Variants in CDYL observed in about 807,000 individuals in gnomAD.
CDYL encodes chromodomain Y-like protein.
Under a neutral mutation model 47.3 loss-of-function variants are expected in CDYL, and 8 were observed. The ratio of observed to expected loss-of-function variants is 0.17; its 90% CI spans 0.10 to 0.31. The LOEUF (loss-of-function observed/expected upper bound fraction) is 0.31. CDYL is among the 10% of genes least tolerant of loss of function. The pLI, the probability that CDYL is intolerant of heterozygous loss-of-function variation, is 1.00. For synonymous variants in CDYL, 266 were observed against 265.0 expected (o/e 1.00, Z -0.04); for missense variants, 471 against 701.4 (o/e 0.67, Z 3.71).
At chr6:4,847,567 T>C (rs896405657) in intron 1 of CDYL, among the ~76,000 whole-genome samples, 1 of 152,210 alleles carries the variant, frequency 6.6e-6, no homozygotes, top group African/African-American at 2.4e-5. Flanking sequence ...TAACAGTCTT[T>C]CCATTGTTTC....
chr6:4,752,915 GA>G (rs1758019802), intron 3 of CDYL, among the ~76,000 whole-genome samples: 2 of 151,412 alleles, frequency 1.3e-5, no homozygotes, highest in Non-Finnish European at 2.9e-5. Flanking sequence ...TAGGTAGATA[GA>G]TAGATAGATT....
chr6:4,896,708 T>G (rs1762294080), intron 2 of CDYL, among the ~76,000 whole-genome samples: 1 of 152,244 alleles, frequency 6.6e-6, no homozygotes, highest in Admixed American at 6.5e-5. Context: ...AGCCATTGTT[T>G]GTTTTTACTT....
chr6:4,886,546 T>G (rs1208387487), intron 1 of CDYL, among the ~76,000 whole-genome samples: 1 of 152,220 alleles, frequency 6.6e-6, no homozygotes, highest in Non-Finnish European at 1.5e-5. Flanking sequence ...TCTATTCAGG[T>G]CCTTTGCCAT....
intron 1 of CDYL, among the ~76,000 whole-genome samples, chr6:4,786,118 G>A (rs754667903): frequency 4.6e-5 from 7 of 152,280 alleles, no homozygotes; most frequent in Middle Eastern, 3.4e-3. Flanking sequence ...TTCTCCAGAC[G>A]GCAGAGGAGT....
chr6:4,835,815 T>C (rs1018520693), intron 1 of CDYL, among the ~76,000 whole-genome samples: 6 of 152,288 alleles, frequency 3.9e-5, no homozygotes, highest in Non-Finnish European at 5.9e-5. Context: ...GTTGCCGCCT[T>C]GCAGTTTGAT....
At chr6:4,879,552 GTTTTTTTTTTT>G (rs59685693) in intron 1 of CDYL, among the ~76,000 whole-genome samples, 2 of 106,158 alleles carry the variant, frequency 1.9e-5, no homozygotes, top group African/African-American at 8.2e-5. Context: ...TTTTTGTGGG[GTTTTTTTTTTT>G]TTTTTTTTTT....
At chr6:4,903,985 A>C (rs567028348) in intron 2 of CDYL, among the ~76,000 whole-genome samples, 17 of 152,170 alleles carry the variant, frequency 1.1e-4, no homozygotes, top group Admixed American at 3.3e-4. Context: ...AGAGCCCCTG[A>C]CTTCCAGGAG....
chr6:4,949,896 G>A (rs1269768335), intron 5 of CDYL, among the ~76,000 whole-genome samples: 1 of 152,210 alleles, frequency 6.6e-6, no homozygotes, highest in African/African-American at 2.4e-5. Flanking sequence ...CGTGAGCCCT[G>A]TCATTTTTGC....
At chr6:4,758,351 A>AAAAAAAAAATATATATATATATAT (rs1554134098) in intron 3 of CDYL, among the ~76,000 whole-genome samples, 9 of 129,084 alleles carry the variant, frequency 7.0e-5, no homozygotes, top group African/African-American at 2.8e-4. Context: ...AAAATAAATA[A>AAAAAAAAAATATATATATATATAT]ATATATATAT....
At chr6:4,920,266 C>T (rs1222624333) in intron 2 of CDYL, among the ~76,000 whole-genome samples, 1 of 152,082 alleles carries the variant, frequency 6.6e-6, no homozygotes, top group Non-Finnish European at 1.5e-5. Context: ...TGCACAATAG[C>T]GTGAATGTGC....
intron 1 of CDYL, among the ~76,000 whole-genome samples, chr6:4,830,274 A>G (rs1015607183): frequency 6.6e-6 from 1 of 152,254 alleles, no homozygotes; most frequent in Admixed American, 6.5e-5. Flanking sequence ...GTGTTAATAA[A>G]TCTAAATATT....
chr6:4,790,501 A>G (rs566275419), intron 1 of CDYL, among the ~76,000 whole-genome samples: 1 of 152,176 alleles, frequency 6.6e-6, no homozygotes, highest in African/African-American at 2.4e-5. Flanking sequence ...GCGCTTTTGG[A>G]AAGTAGGCGG....
intron 2 of CDYL, among the ~76,000 whole-genome samples, chr6:4,935,020 G>T (rs1758144830): frequency 6.6e-6 from 1 of 152,216 alleles, no homozygotes; most frequent in African/African-American, 2.4e-5. Context: ...GTCTGAAGTG[G>T]TGGCTGCCAC....
At chr6:4,755,716 C>T (rs763285379) in intron 3 of CDYL, among the ~76,000 whole-genome samples, 8 of 152,148 alleles carry the variant, frequency 5.3e-5, no homozygotes, top group Non-Finnish European at 1.2e-4. Context: ...CTCACTTAAT[C>T]CTCTGAACCA....
intron 1 of CDYL, among the ~76,000 whole-genome samples, chr6:4,857,261 A>T (rs527875222): frequency 2.0e-5 from 3 of 152,214 alleles, no homozygotes; most frequent in South Asian, 2.1e-4. Flanking sequence ...GCCAGAACTT[A>T]AAAAAAATGA....
intron 1 of CDYL, among the ~76,000 whole-genome samples, chr6:4,708,264 A>G (rs955232232): frequency 6.6e-6 from 1 of 152,084 alleles, no homozygotes; most frequent in African/African-American, 2.4e-5. Context: ...CCAGGGTTCA[A>G]GCAATTCTCA....
intron 2 of CDYL, among the ~76,000 whole-genome samples, chr6:4,932,421 C>T (rs757472412): frequency 6.6e-6 from 1 of 152,134 alleles, no homozygotes; most frequent in Non-Finnish European, 1.5e-5. Flanking sequence ...CCCCCATGAC[C>T]TAATCACCCC....
chr6:4,790,577 G>C (rs1758891562), intron 1 of CDYL, among the ~76,000 whole-genome samples: 1 of 152,172 alleles, frequency 6.6e-6, no homozygotes, highest in Admixed American at 6.5e-5. Flanking sequence ...GCAGAACACA[G>C]AGCAGACTTG....
chr6:4,868,155 C>A (rs1561678545), intron 1 of CDYL, among the ~76,000 whole-genome samples: 1 of 151,626 alleles, frequency 6.6e-6, no homozygotes. Context: ...TTGCTTTGGG[C>A]TGAATTCGCC....
Sources: gnomAD v4.1 joint callset for allele counts (sites outside exome capture counted in the v4.1 genomes callset) on GRCh38, gnomAD v4.1.1 for gene constraint, MANE v1.5 for transcripts, NCBI Gene and HGNC (gene_info 2026-07-23, HGNC 2026-07-21) for gene names.